TMOD2: variants seen among roughly 807,000 people sequenced by gnomAD.
The protein encoded by TMOD2 is tropomodulin-2.
A neutral mutation model predicts 39.9 loss-of-function variants in TMOD2; 22 were observed. The observed-to-expected ratio is 0.55, with a 90% CI of 0.39 to 0.79. The LOEUF (loss-of-function observed/expected upper bound fraction) is 0.79, where lower values mean the gene tolerates loss of function less well. TMOD2 is among the 30% of genes least tolerant of loss of function. The pLI is 0.00. For synonymous variants in TMOD2, 123 were observed against 146.1 expected, an observed-to-expected ratio of 0.84 and a Z score of 1.14; for missense variants, 386 against 413.3, an observed-to-expected ratio of 0.93 and a Z score of 0.57.
chr15:51,798,432 C>A, intron 8 of TMOD2, 92 bp downstream of exon 8: 1 of 1,415,864 alleles, frequency 7.1e-7, no homozygotes, highest in Non-Finnish European at 9.6e-7. Context: ...AGACACAGTT[C>A]TGTGTGTGAC....
intron 1 of TMOD2, among the ~76,000 whole-genome samples, chr15:51,762,723 C>A (rs2055789710): frequency 6.6e-6 from 1 of 152,132 alleles, no homozygotes; most frequent in African/African-American, 2.4e-5. Flanking sequence ...CTCTCCCATG[C>A]CTAAGCAACT....
chr15:51,779,684 T>C (rs2055916243), intron 5 of TMOD2, among the ~76,000 whole-genome samples: 1 of 150,338 alleles, frequency 6.7e-6, no homozygotes, highest in South Asian at 2.1e-4. Flanking sequence ...ATAATGAAGA[T>C]ACTTTTTTTT....
intron 5 of TMOD2, among the ~76,000 whole-genome samples, chr15:51,777,973 C>T: frequency 6.6e-6 from 1 of 151,662 alleles, no homozygotes; most frequent in East Asian, 1.9e-4. Flanking sequence ...TTGACCCAGC[C>T]ATCCCATTAC....
At position 51,754,313 on chromosome 15, in the gene TMOD2, A is replaced by G. The variant is rs534297762; in HGVS notation, c.-70+2601A>G. Among the ~76,000 whole-genome samples, 20 of 152,286 alleles carry G rather than the reference A, an allele frequency of 1.3e-4. No homozygotes were observed. In the South Asian group the frequency reaches 1.7e-3, roughly 13 times the overall value. ...TTTTGGGTTAGGGTAGTGTTGGGGG[A>G]AAAATGATTTAGCTTTGTGATAGGA... On this transcript the variant is annotated intron_variant, in intron 1 of 9. Coordinates refer to ENST00000249700, the MANE Select transcript of TMOD2 (RefSeq NM_014548.4).
Position 51,808,447 on chromosome 15 carries a change from G to A in TMOD2, c.1049G>A (p.Arg350Gln), listed in dbSNP as rs371289123. Residue 350 changes from arginine to glutamine, a missense_variant, in exon 10 of 10, where the codon CGA becomes CAA. Arg to Gln is a conservative substitution (Grantham distance 43). Coordinates refer to ENST00000249700, the MANE Select transcript of TMOD2 (RefSeq NM_014548.4). ...LVRKKRVEADRR is the reference protein window; with the variant it reads ...LVRKKRVEADQR ...CGTAAGAAGAGAGTTGAAGCAGACC[G>A]AAGGTAAACTTCCTTGAGGAGAAGT... 83 of 1,612,220 alleles carry A rather than the reference G, an allele frequency of 5.1e-5. No individual in the cohort carries two copies. The highest frequency in any genetic ancestry group is 2.8e-4 in the African/African-American group (21 of 75,000).
chr15:51,801,283 A>ACACACC (rs1484824575), intron 8 of TMOD2, among the ~76,000 whole-genome samples: 26 of 125,952 alleles, frequency 2.1e-4, no homozygotes, highest in Non-Finnish European at 2.2e-4. Context: ...ACACACACAC[A>ACACACC]CCCTGTCTCT....
intron 7 of TMOD2, among the ~76,000 whole-genome samples, chr15:51,792,895 GGA>G (rs1211059276): frequency 1.3e-5 from 2 of 152,102 alleles, no homozygotes; most frequent in Non-Finnish European, 2.9e-5. Context: ...GATAACATTA[GGA>G]GAAATACCTA....
intron 7 of TMOD2, among the ~76,000 whole-genome samples, chr15:51,789,023 T>C (rs1157475198): frequency 6.6e-6 from 1 of 152,198 alleles, no homozygotes; most frequent in Non-Finnish European, 1.5e-5. Flanking sequence ...TAGCCTTAAA[T>C]GTAAATGGGC....
intron 7 of TMOD2, among the ~76,000 whole-genome samples, chr15:51,797,441 G>T (rs2141638586): frequency 6.6e-6 from 1 of 152,310 alleles, no homozygotes; most frequent in South Asian, 2.1e-4. Flanking sequence ...TAGCAGCTCA[G>T]GCAACAACTT....
chr15:51,800,100 T>C (rs767098254), intron 8 of TMOD2, among the ~76,000 whole-genome samples: 23 of 152,232 alleles, frequency 1.5e-4, no homozygotes, highest in Non-Finnish European at 3.1e-4. Flanking sequence ...AAAAAAATTA[T>C]TTGTTGTTTA....
chr15:51,762,438 C>G (rs549587779), intron 1 of TMOD2, among the ~76,000 whole-genome samples: 1 of 152,206 alleles, frequency 6.6e-6, no homozygotes, highest in South Asian at 2.1e-4. Context: ...TCAAGCCTGG[C>G]AACAGACTGA....
chr15:51,809,876 T>A lies in TMOD2; in HGVS notation c.*1422T>A, dbSNP rs533488123. 1 of 152,362 alleles carries A rather than the reference T, an allele frequency of 6.6e-6. No homozygotes were observed. The highest frequency in any genetic ancestry group is 1.9e-4 in the East Asian group (1 of 5,190). 9.4% of individuals were successfully genotyped at this position (152,362 alleles called of 1,614,324 possible). On this transcript the variant is annotated 3_prime_UTR_variant, in exon 10 of 10. Coordinates refer to ENST00000249700, the MANE Select transcript of TMOD2 (RefSeq NM_014548.4). ...ATAAAACAAGTGAATAGGAAAATAA[T>A]TAATATATTATTCTATTTAGCTTGT...
In TMOD2 at chr15:51,769,908, C is replaced by T. The variant is rs547417587; in HGVS notation, c.283+1490C>T. ...AATTAGCCAAGCATGATGGTGCACCCGTGTTCCCAGTTACTTAGGAGCTGA... is the reference window on the plus strand; with the variant it reads ...AATTAGCCAAGCATGATGGTGCACCTGTGTTCCCAGTTACTTAGGAGCTGA... On this transcript the variant is annotated intron_variant, in intron 3 of 9. Coordinates refer to ENST00000249700, the MANE Select transcript of TMOD2 (RefSeq NM_014548.4). 2.6e-5 allele frequency among the ~76,000 whole-genome samples: 4 copies of T among 152,092 alleles called. No individual in the cohort carries two copies. The East Asian group carries it at 5.8e-4, about 22-fold the overall frequency.
intron 1 of TMOD2, among the ~76,000 whole-genome samples, chr15:51,759,252 G>A (rs1158617230): frequency 6.6e-6 from 1 of 152,168 alleles, no homozygotes; most frequent in Non-Finnish European, 1.5e-5. Flanking sequence ...GGAGATTCTG[G>A]AGGAGGAAAG....
intron 1 of TMOD2, among the ~76,000 whole-genome samples, chr15:51,765,306 A>G (rs989960789): frequency 7.9e-5 from 12 of 151,960 alleles, no homozygotes; most frequent in African/African-American, 2.2e-4. Flanking sequence ...TGGCCTCCTC[A>G]TGTGTTTTTA....
rs1240577225 is a variant in TMOD2 at position 51,798,190 on chromosome 15, T to C, written c.733-7T>C. 2.5e-6 allele frequency: 4 copies of C among 1,582,168 alleles called. No homozygotes were observed. The African/African-American group carries it at 4.1e-5, about 16-fold the overall frequency. On this transcript the variant is annotated splice_region_variant and splice_polypyrimidine_tract_variant and intron_variant, in intron 7 of 9. Coordinates refer to ENST00000249700, the MANE Select transcript of TMOD2 (RefSeq NM_014548.4). The stretch of plus-strand genomic sequence containing the variant: ...ATTCTAAGTTTTTTTTCTTTTTGCA[T>C]CATAAGGCTTTTGCAGACATGCTGA...
chr15:51,764,845 T>A (rs371180652), intron 1 of TMOD2, among the ~76,000 whole-genome samples: 12 of 152,316 alleles, frequency 7.9e-5, no homozygotes, highest in Middle Eastern at 6.8e-3. Context: ...ACAGCCTCTT[T>A]TTCACAGTTT....
chr15:51,789,965 C>G (rs2055998865), intron 7 of TMOD2, among the ~76,000 whole-genome samples: 1 of 151,928 alleles, frequency 6.6e-6, no homozygotes, highest in African/African-American at 2.4e-5. Flanking sequence ...GAAGCAAGAG[C>G]AAACATATTC....
Position 51,773,628 on chromosome 15 carries a change from C to T in TMOD2, c.284-84C>T, listed in dbSNP as rs10519324. 6.4e-3 allele frequency: 9,023 copies of T among 1,403,874 alleles called. 41 individuals carry two copies. Among genetic ancestry groups the T allele is most frequent in the African/African-American group, 0.018 (1,271 of 69,096 alleles). The allele number at this position is 1,403,874 out of a possible 1,614,324, so 87.0% of individuals were successfully genotyped here. A position where few individuals can be genotyped will look rare whatever the true frequency, so the allele number is the denominator to read the frequency against. On this transcript the variant is annotated intron_variant, in intron 3 of 9. Coordinates refer to ENST00000249700, the MANE Select transcript of TMOD2 (RefSeq NM_014548.4). The stretch of plus-strand genomic sequence containing the variant: ...GCTTAATTATATGGGTCTCAATGGC[C>T]AGAACTGCATTCTCTGCTCAGTCTA...
Sources: allele counts gnomAD v4.1 joint callset (sites outside exome capture counted in the v4.1 genomes callset), GRCh38; gene constraint gnomAD v4.1.1; transcripts MANE v1.5; gene names NCBI Gene and HGNC (gene_info 2026-07-23, HGNC 2026-07-21).